The following TCF23 variants were observed in gnomAD, a reference collection of about 807,000 sequenced individuals.
TCF23 encodes the protein transcription factor 23, also known as class A basic helix-loop-helix protein 24.
TCF23 carries 7 observed loss-of-function variants against 13.0 expected under a neutral mutation model. That is an observed-to-expected ratio of 0.54 (90% CI 0.31 to 1.01). The LOEUF is 1.01. Among genes scored for constraint, TCF23 ranks in the 50% least tolerant of loss-of-function variants. TCF23 has a pLI of 0.06. For missense variants in TCF23, 257 were observed against 289.8 expected, an observed-to-expected ratio of 0.89 and a Z score of 0.82; for synonymous variants, 122 against 119.5, an observed-to-expected ratio of 1.02 and a Z score of -0.14.
At chr2:27,151,304 T>C (rs1672757371) in intron 2 of TCF23, among the ~76,000 whole-genome samples, 1 of 152,080 alleles carries the variant, frequency 6.6e-6, no homozygotes, top group African/African-American at 2.4e-5. Flanking sequence ...TGCAGTGGTA[T>C]CAACTTTTTT....
rs893581218 is a variant in TCF23, at chr2:27,155,077, G to A, written c.*2210G>A. On this transcript the variant is annotated 3_prime_UTR_variant, in exon 3 of 3. Coordinates refer to ENST00000296096, the MANE Select transcript of TCF23 (RefSeq NM_175769.3). ...GGGGTGACCGCATGGCCCTGGTGTA[G>A]ACAAGGAGGGCACAGGAAGGATGAC... 9 of 152,592 alleles carry A rather than the reference G, an allele frequency of 5.9e-5. No individual in the cohort carries two copies. Among genetic ancestry groups the A allele is most frequent in the African/African-American group, 2.2e-4 (9 of 41,468 alleles). 9.5% of individuals were successfully genotyped at this position (152,592 alleles called of 1,614,324 possible).
rs1672735439 is a variant in TCF23 at position 27,150,033 on chromosome 2, T to C, written c.223-90T>C. 1 of 1,536,096 alleles carries C rather than the reference T, an allele frequency of 6.5e-7. No homozygotes were observed. ...TGCCTACTGCTAGACACCCTTCTAC[T>C]CTGGTGGGAGACCTTGTGCTCAAAC... On this transcript the variant is annotated intron_variant, in intron 1 of 2. Coordinates refer to ENST00000296096, the MANE Select transcript of TCF23 (RefSeq NM_175769.3). The surrounding 1 kb of genome is among the most constrained non-coding windows in gnomAD (Gnocchi z 4.1).
In TCF23 at chr2:27,154,158, C is replaced by A. The variant is rs977775678; in HGVS notation, c.*1291C>A. On this transcript the variant is annotated 3_prime_UTR_variant, in exon 3 of 3. Transcript: ENST00000296096. ...GGGTGCCAGAAATGTGATATAGCTTCGGTGAAACTCATCTCTGGCCCTAAA... is the reference window on the plus strand; with the variant it reads ...GGGTGCCAGAAATGTGATATAGCTTAGGTGAAACTCATCTCTGGCCCTAAA... The A allele has an allele frequency of 6.6e-6, 1 of 152,178 alleles. No individual in the cohort carries two copies. The highest frequency in any genetic ancestry group is 1.9e-4 in the East Asian group (1 of 5,202). The allele number at this position is 152,178 out of a possible 1,614,324, so 9.4% of individuals were successfully genotyped here.
chr2:27,150,065 A>G lies in TCF23; in HGVS notation c.223-58A>G. On this transcript the variant is annotated intron_variant, in intron 1 of 2. Transcript: ENST00000296096. This position sits in a 1 kb window ranked among gnomAD's most constrained non-coding sequence, Gnocchi z 4.1. ...GGAGACCTTGTGCTCAAACGCTCTC[A>G]GAAGTCAGGGCAGTTGGGAGTCCAG... is the stretch of plus-strand genomic sequence containing the variant. 1 of 1,560,382 alleles carries G rather than the reference A, an allele frequency of 6.4e-7. No homozygotes were observed. The highest frequency in any genetic ancestry group is 8.7e-7 in the Non-Finnish European group (1 of 1,155,348).
In TCF23 at chr2:27,149,198, CCAAAGCACGGTTGCTG is replaced by C; in HGVS notation, c.67_82del (p.Lys23GlnfsTer98). On this transcript the variant is annotated frameshift_variant, in exon 1 of 3. Transcript: ENST00000296096. LOFTEE classifies it high-confidence loss of function. ...GGGGTGGGGCATAGCCAGACTCAGG[CCAAAGCACGGTTGCTG>C]CCAGGCGCTGACAGGAAGAGGAGCC... 1 of 1,553,652 alleles carries C rather than the reference CCAAAGCACGGTTGCTG, an allele frequency of 6.4e-7. No homozygotes were observed. Among genetic ancestry groups the C allele is most frequent in the Non-Finnish European group, 8.7e-7 (1 of 1,148,494 alleles).
chr2:27,150,432 GAATGAGGGGGGA>G lies in TCF23; in HGVS notation c.465+68_465+79del. 6.3e-6 allele frequency: 10 copies of G among 1,580,562 alleles called. No homozygotes were observed. The highest frequency in any genetic ancestry group is 8.6e-6 in the Non-Finnish European group (10 of 1,158,358). ...CCCAGGGCCTTGGAGAAAGGGATTGGAATGAGGGGGGACATTGGACTTGGGCCCCCTGCCCTG... is the reference window on the plus strand; with the variant it reads ...CCCAGGGCCTTGGAGAAAGGGATTGGCATTGGACTTGGGCCCCCTGCCCTG... On this transcript the variant is annotated intron_variant, in intron 2 of 2. Coordinates refer to ENST00000296096, the MANE Select transcript of TCF23 (RefSeq NM_175769.3). The surrounding 1 kb of genome is among the most constrained non-coding windows in gnomAD (Gnocchi z 4.1).
chr2:27,152,022 G>GA (rs1672767801), intron 2 of TCF23, among the ~76,000 whole-genome samples: 1 of 152,178 alleles, frequency 6.6e-6, no homozygotes, highest in Non-Finnish European at 1.5e-5. Context: ...ACTAAGTGGG[G>GA]AACTCTGAAA....
rs1672799198 is a variant in TCF23, at chr2:27,153,780, T to A, written c.*913T>A. 1 of 152,208 alleles carries A rather than the reference T, an allele frequency of 6.6e-6. No homozygotes were observed. The highest frequency in any genetic ancestry group is 1.5e-5 in the Non-Finnish European group (1 of 68,042). 9.4% of individuals were successfully genotyped at this position (152,208 alleles called of 1,614,324 possible). ...TTTTAGATAGTCCCAGATGCCTAGT[T>A]TGAGATCTTAACCAGAAGCAATTCT... is the stretch of plus-strand genomic sequence containing the variant. On this transcript the variant is annotated 3_prime_UTR_variant, in exon 3 of 3. Coordinates refer to ENST00000296096, the MANE Select transcript of TCF23 (RefSeq NM_175769.3).
rs914210637 is a variant in TCF23, at chr2:27,150,518, G to C, written c.465+153G>C. ...TTTCTCCTGCTGTCTCAGAGGGAGA[G>C]GAGCCAAGGCTGACCCTTGGGGCTG... On this transcript the variant is annotated intron_variant, in intron 2 of 2. Transcript: ENST00000296096. The surrounding 1 kb of genome is among the most constrained non-coding windows in gnomAD (Gnocchi z 4.1). Among the ~76,000 whole-genome samples, 1 of 152,200 alleles carries C rather than the reference G, an allele frequency of 6.6e-6. No individual in the cohort carries two copies. The highest frequency in any genetic ancestry group is 1.5e-5 in the Non-Finnish European group (1 of 68,034).
Position 27,149,194 on chromosome 2 carries a change from C to G in TCF23, c.61C>G (p.Gln21Glu), listed in dbSNP as rs1417230997. 1.3e-6 allele frequency: 2 copies of G among 1,553,246 alleles called. No individual in the cohort carries two copies. The highest frequency in any genetic ancestry group is 8.7e-7 in the Non-Finnish European group (1 of 1,148,296). Residue 21 changes from glutamine (Q) to glutamate (E), a missense_variant, in exon 1 of 3, where the codon CAG (glutamine) becomes GAG (glutamate). Physicochemically the swap from Gln to Glu is conservative, Grantham distance 29. Coordinates refer to ENST00000296096, the MANE Select transcript of TCF23 (RefSeq NM_175769.3). ...GCCAGGGGTGGGGCATAGCCAGACT[C>G]AGGCCAAAGCACGGTTGCTGCCAGG... ...AMPGVGHSQT[Q>E]AKARLLPGAD...
Position 27,156,098 on chromosome 2 carries a change from G to A in TCF23, c.*3231G>A, listed in dbSNP as rs1480866151. ...CAGCACTTTGGGAGGCCGGGGTCGGGGGTGGATCATCTGAGGTCAGGAGTT... is the reference window on the plus strand; with the variant it reads ...CAGCACTTTGGGAGGCCGGGGTCGGAGGTGGATCATCTGAGGTCAGGAGTT... On this transcript the variant is annotated 3_prime_UTR_variant, in exon 3 of 3. Transcript: ENST00000296096. 1 of 152,068 alleles carries A rather than the reference G, an allele frequency of 6.6e-6. No individual in the cohort carries two copies. Among genetic ancestry groups the A allele is most frequent in the African/African-American group, 2.4e-5 (1 of 41,370 alleles). The allele number at this position is 152,068 out of a possible 1,614,324, so 9.4% of individuals were successfully genotyped here.
chr2:27,150,452 C>T lies in TCF23; in HGVS notation c.465+87C>T. ...GATTGGAATGAGGGGGGACATTGGA[C>T]TTGGGCCCCCTGCCCTGTGCAGAAC... On this transcript the variant is annotated intron_variant, in intron 2 of 2. Coordinates refer to ENST00000296096, the MANE Select transcript of TCF23 (RefSeq NM_175769.3). The surrounding 1 kb of genome is among the most constrained non-coding windows in gnomAD (Gnocchi z 4.1). 4.5e-6 allele frequency: 7 copies of T among 1,558,678 alleles called. No individual in the cohort carries two copies. The highest frequency in any genetic ancestry group is 6.1e-6 in the Non-Finnish European group (7 of 1,145,848).
At chr2:27,149,832 G>T in intron 1 of TCF23, 1 of 686,018 alleles carries the variant, frequency 1.5e-6, no homozygotes, top group Non-Finnish European at 2.7e-6. Flanking sequence ...CATGGGACAG[G>T]ACAAAGGCTC....
At chr2:27,152,441 C>T (rs1672774321) in intron 2 of TCF23, among the ~76,000 whole-genome samples, 1 of 152,240 alleles carries the variant, frequency 6.6e-6, no homozygotes, top group Non-Finnish European at 1.5e-5. Flanking sequence ...TCCCTCCCAA[C>T]AGAGCGCTGC....
At chr2:27,151,454 C>T (rs1672759661) in intron 2 of TCF23, among the ~76,000 whole-genome samples, 1 of 151,882 alleles carries the variant, frequency 6.6e-6, no homozygotes, top group South Asian at 2.1e-4. Flanking sequence ...CTCCCTCAGC[C>T]TCCCGAGTAG....
rs1183889042 is a variant in TCF23 at position 27,152,804 on chromosome 2, C to T, written c.582C>T (p.Val194=). 5 of 1,614,034 alleles carry T rather than the reference C, an allele frequency of 3.1e-6. No individual in the cohort carries two copies. In the African/African-American group the frequency reaches 6.7e-5, roughly 22 times the overall value. The change falls in exon 3 of 3, where the codon GTC becomes GTT. Residue 194 remains valine (V), a synonymous_variant. Transcript: ENST00000296096. ...RTRDAEVGSQ[V]PGEADALLST... ...GAGATGCAGAGGTGGGGTCCCAAGT[C>T]CCTGGAGAGGCAGATGCTCTCCTTT...
chr2:27,149,584 G>A (rs761529913), intron 1 of TCF23: 6 of 653,982 alleles, frequency 9.2e-6, no homozygotes, highest in African/African-American at 1.8e-5. Flanking sequence ...CTTCTCTTGA[G>A]GAAACTGAGG....
At position 27,149,311 on chromosome 2, in the gene TCF23, C is replaced by A; in HGVS notation, c.178C>A (p.Pro60Thr). Residue 60 changes from proline (P) to threonine (T), a missense_variant, in exon 1 of 3, where the codon CCT becomes ACT. Coordinates refer to ENST00000296096, the MANE Select transcript of TCF23 (RefSeq NM_175769.3). Reference sequence around the variant, plus strand: ...CAACCAGAGATGGAGCAGAGCTACCCCTGGCCCTCGAGGGACCAGGGCTGG... The same window carrying A: ...CAACCAGAGATGGAGCAGAGCTACCACTGGCCCTCGAGGGACCAGGGCTGG... ...WSNQRWSRAT[P>T]GPRGTRAGGL... 1 of 1,595,034 alleles carries A rather than the reference C, an allele frequency of 6.3e-7. No homozygotes were observed. Among genetic ancestry groups the A allele is most frequent in the East Asian group, 2.3e-5 (1 of 44,088 alleles).
chr2:27,153,512 TTTC>T lies in TCF23; in HGVS notation c.*648_*650del. The stretch of plus-strand genomic sequence containing the variant: ...CTCGGCTCCTGCACTCTTCCACTCT[TTTC>T]TTTTCTTTTCTTTTCTTTTCGTTTC... On this transcript the variant is annotated 3_prime_UTR_variant, in exon 3 of 3. Transcript: ENST00000296096. The T allele has an allele frequency of 6.5e-6, 1 of 154,044 alleles. No homozygotes were observed. Among genetic ancestry groups the T allele is most frequent in the Non-Finnish European group, 1.3e-5 (1 of 74,150 alleles). 9.5% of individuals were successfully genotyped at this position (154,044 alleles called of 1,614,324 possible). A position where few individuals can be genotyped will look rare whatever the true frequency, so the allele number is the denominator to read the frequency against.
Sources: gnomAD v4.1 joint callset for allele counts (sites outside exome capture counted in the v4.1 genomes callset) on GRCh38, gnomAD v4.1.1 for gene constraint, Gnocchi (gnomAD v3.1) non-coding constraint, MANE v1.5 for transcripts, NCBI Gene and HGNC (gene_info 2026-07-23, HGNC 2026-07-21) for gene names.